The following KCNN2 variants were observed in gnomAD, a reference collection of about 807,000 sequenced individuals.
KCNN2 encodes potassium calcium-activated channel subfamily N member 2.
KCNN2 carries 24 observed loss-of-function variants against 55.5 expected under a neutral mutation model. That is an observed-to-expected ratio of 0.43 (90% CI 0.31 to 0.61). KCNN2 has a LOEUF of 0.61. KCNN2 is among the 20% of genes least tolerant of loss of function. The probability of loss-of-function intolerance (pLI) is 0.08; values close to 1 mark genes in which losing one functional copy is unlikely to be tolerated. For missense variants in KCNN2, 754 were observed against 853.6 expected (o/e 0.88, Z 1.45); for synonymous variants, 431 against 336.1 (o/e 1.28, Z -3.09).
intron 5 of KCNN2, among the ~76,000 whole-genome samples, chr5:114,475,770 T>C (rs957286551): frequency 9.2e-5 from 14 of 152,212 alleles, no homozygotes; most frequent in African/African-American, 2.6e-4. Flanking sequence ...GAACTATGGA[T>C]CCAGGATCTA....
intron 2 of KCNN2, among the ~76,000 whole-genome samples, chr5:114,274,126 G>T (rs1755430287): frequency 6.6e-6 from 1 of 152,244 alleles, no homozygotes. Context: ...TGTGTGTTAG[G>T]TTTGTCAAAG....
intron 1 of KCNN2, among the ~76,000 whole-genome samples, chr5:114,081,202 G>T (rs1750810272): frequency 6.6e-6 from 1 of 152,082 alleles, no homozygotes; most frequent in Non-Finnish European, 1.5e-5. Context: ...ATAATATTAA[G>T]ATGTCAGGTC....
chr5:114,418,808 A>G (rs575183613), intron 3 of KCNN2, among the ~76,000 whole-genome samples: 29 of 152,330 alleles, frequency 1.9e-4, no homozygotes, highest in Admixed American at 6.5e-4. Flanking sequence ...ACAGCGATCT[A>G]GAATTGCTCC....
chr5:114,368,535 G>T (rs2150049273), intron 2 of KCNN2, among the ~76,000 whole-genome samples: 1 of 152,286 alleles, frequency 6.6e-6, no homozygotes, highest in East Asian at 1.9e-4. Flanking sequence ...CTATGTGAAG[G>T]CTCAAGTCTG....
At chr5:114,084,606 A>G (rs1182091095) in intron 1 of KCNN2, among the ~76,000 whole-genome samples, 2 of 151,906 alleles carry the variant, frequency 1.3e-5, no homozygotes, top group African/African-American at 2.4e-5. Context: ...ATTTTTCCCA[A>G]TGTCACCTGT....
At chr5:114,255,377 C>T (rs576878110) in intron 2 of KCNN2, among the ~76,000 whole-genome samples, 48 of 152,218 alleles carry the variant, frequency 3.2e-4, no homozygotes, top group Non-Finnish European at 4.9e-4. Context: ...ATTTTCCAGA[C>T]GGATGAGGTG....
chr5:114,406,285 T>C (rs1758931005), intron 3 of KCNN2, among the ~76,000 whole-genome samples: 1 of 151,482 alleles, frequency 6.6e-6, no homozygotes, highest in African/African-American at 2.4e-5. Context: ...ATCTAGATTT[T>C]TTGTTGTTGT....
chr5:114,411,224 T>C (rs1008352388), intron 3 of KCNN2, among the ~76,000 whole-genome samples: 4 of 152,224 alleles, frequency 2.6e-5, no homozygotes, highest in African/African-American at 9.6e-5. Flanking sequence ...CTGTCACTAA[T>C]ACTCTTCTAT....
At chr5:114,440,378 G>C (rs924303594) in intron 3 of KCNN2, among the ~76,000 whole-genome samples, 1 of 152,134 alleles carries the variant, frequency 6.6e-6, no homozygotes, top group Admixed American at 6.5e-5. Context: ...ATTAAAAAGT[G>C]AGAGTATGTA....
intron 1 of KCNN2, among the ~76,000 whole-genome samples, chr5:114,168,352 A>C (rs533395239): frequency 8.6e-5 from 13 of 152,016 alleles, no homozygotes; most frequent in Non-Finnish European, 1.2e-4. Flanking sequence ...AATACTTCAA[A>C]ATAGAGCTAT....
intron 5 of KCNN2, among the ~76,000 whole-genome samples, chr5:114,483,351 T>C (rs1042274488): frequency 6.9e-6 from 1 of 145,296 alleles, no homozygotes; most frequent in African/African-American, 2.5e-5. Flanking sequence ...CTCGGCTCAC[T>C]GCAACCTCCA....
chr5:114,238,820 C>G (rs1754562119), intron 2 of KCNN2, among the ~76,000 whole-genome samples: 1 of 152,108 alleles, frequency 6.6e-6, no homozygotes, highest in Non-Finnish European at 1.5e-5. Flanking sequence ...AGGCCCTTTT[C>G]TCATGAAGCA....
chr5:114,241,737 TATAC>T (rs1310376367), intron 2 of KCNN2, among the ~76,000 whole-genome samples: 3 of 26,888 alleles, frequency 1.1e-4, no homozygotes, highest in Non-Finnish European at 1.5e-4. Flanking sequence ...TATATACATA[TATAC>T]GTATATATAT....
chr5:114,477,539 T>A (rs1460816531), intron 5 of KCNN2, among the ~76,000 whole-genome samples: 1 of 152,170 alleles, frequency 6.6e-6, no homozygotes, highest in African/African-American at 2.4e-5. Context: ...CAGAACAAAC[T>A]AATGATTTTG....
At chr5:114,201,291 TTAATAA>T (rs138477828) in intron 1 of KCNN2, among the ~76,000 whole-genome samples, 1 of 151,636 alleles carries the variant, frequency 6.6e-6, no homozygotes, top group African/African-American at 2.4e-5. Context: ...ATGTGGGTTA[TTAATAA>T]TAATAATAAT....
intron 2 of KCNN2, among the ~76,000 whole-genome samples, chr5:114,273,864 T>A (rs974021975): frequency 6.6e-6 from 1 of 152,250 alleles, no homozygotes; most frequent in African/African-American, 2.4e-5. Flanking sequence ...TAGATCCCAT[T>A]TGTCAATTTT....
At chr5:114,359,236 T>G (rs902920638), upstream of KCNN2, among the ~76,000 whole-genome samples, 1 of 152,192 alleles carries the variant, frequency 6.6e-6, no homozygotes, top group African/African-American at 2.4e-5. Flanking sequence ...GTTTTGGTGT[T>G]CCGACAGTCC....
intron 1 of KCNN2, among the ~76,000 whole-genome samples, chr5:114,063,614 G>A (rs937591960): frequency 2.0e-5 from 3 of 152,180 alleles, no homozygotes; most frequent in African/African-American, 4.8e-5. Context: ...GAAGACTCAG[G>A]TGAGGATAAT....
intron 3 of KCNN2, among the ~76,000 whole-genome samples, chr5:114,460,163 G>A (rs895522336): frequency 1.3e-5 from 2 of 152,112 alleles, no homozygotes; most frequent in Non-Finnish European, 2.9e-5. Context: ...TTTGTTTATC[G>A]TATGAAATCT....
Sources: gnomAD v4.1 joint callset for allele counts (sites outside exome capture counted in the v4.1 genomes callset) on GRCh38, gnomAD v4.1.1 for gene constraint, MANE v1.5 for transcripts, NCBI Gene and HGNC (gene_info 2026-07-23, HGNC 2026-07-21) for gene names.